Variants in SRP19 observed in about 807,000 individuals in gnomAD.
SRP19 encodes the protein signal recognition particle 19, also known as signal recognition particle 19 kDa protein.
SRP19 carries 11 observed loss-of-function variants against 22.4 expected under a neutral mutation model. The ratio of observed to expected loss-of-function variants is 0.49; its 90% CI spans 0.31 to 0.81. SRP19 has a LOEUF of 0.81. SRP19 is among the 40% of genes least tolerant of loss of function. The pLI is 0.05. For synonymous variants in SRP19, 61 were observed against 57.6 expected (o/e 1.06, Z -0.27); for missense variants, 168 against 175.9 (o/e 0.96, Z 0.25).
Position 112,868,571 on chromosome 5 carries a change from T to C in SRP19, c.*1034T>C, listed in dbSNP as rs547578897. 1.6e-3 allele frequency: 306 copies of C among 185,944 alleles called. No individual in the cohort carries two copies. The highest frequency in any genetic ancestry group is 2.9e-3 in the Middle Eastern group (1 of 350). 11.5% of individuals were successfully genotyped at this position (185,944 alleles called of 1,614,324 possible). On this transcript the variant is annotated 3_prime_UTR_variant, in exon 5 of 5. Transcript: ENST00000505459. ...ATGTGCCACCACACCCGGCTAATTT[T>C]GTATTTTTAGTAGAGACAGGGTTTT... is the stretch of plus-strand genomic sequence containing the variant.
At chr5:112,892,719 C>G (rs2150039987) in exon 5 of SRP19, 1 of 1,614,044 alleles carries the variant, frequency 6.2e-7, no homozygotes. Flanking sequence ...AGACTGGCTC[C>G]TCCTTTGGCA....
chr5:112,864,469 C>T lies in SRP19; in HGVS notation c.130C>T (p.Pro44Ser), dbSNP rs1356137003. Residue 44 changes from proline (P) to serine (S), a missense_variant, in exon 3 of 5, where the codon CCT (proline) becomes TCT (serine). Physicochemically the swap from Pro to Ser is moderately conservative, Grantham distance 74. Coordinates refer to ENST00000505459, the MANE Select transcript of SRP19 (RefSeq NM_003135.3). The part of the protein sequence containing the change: ...RIPISKAVEN[P>S]TATEIQDVCS... ...TTTAACTGTTCAGGCTGTTGAAAAT[C>T]CTACAGCTACAGAGATTCAAGATGT... The T allele has an allele frequency of 1.9e-6, 3 of 1,613,256 alleles. No individual in the cohort carries two copies. The highest frequency in any genetic ancestry group is 2.5e-6 in the Non-Finnish European group (3 of 1,179,880).
Position 112,867,458 on chromosome 5 carries a change from C to G in SRP19, c.356C>G (p.Thr119Arg). Reference protein sequence around the residue: ...AEMIPKLKTRTQKTGGADQSL... With the variant: ...AEMIPKLKTRRQKTGGADQSL... ...ATGATACCTAAACTAAAAACAAGGA[C>G]ACAAAAAACAGGAGGTGCTGACCAA... Residue 119 changes from threonine to arginine, a missense_variant, in exon 5 of 5, where the codon ACA (threonine) becomes AGA (arginine). Physicochemically the swap from Thr to Arg is moderately conservative, Grantham distance 71. Transcript: ENST00000505459. 6.2e-7 allele frequency: 1 copy of G among 1,613,392 alleles called. No homozygotes were observed. The highest frequency in any genetic ancestry group is 8.5e-7 in the Non-Finnish European group (1 of 1,179,676).
chr5:112,863,365 T>G (rs900152272), intron 2 of SRP19, among the ~76,000 whole-genome samples: 2 of 152,230 alleles, frequency 1.3e-5, no homozygotes, highest in African/African-American at 4.8e-5. Context: ...TAACAGGGTT[T>G]GTCAATAGCA....
chr5:112,867,550 A>G lies in SRP19; in HGVS notation c.*13A>G, dbSNP rs1413220670. 1.2e-6 allele frequency: 2 copies of G among 1,601,802 alleles called. No individual in the cohort carries two copies. Among genetic ancestry groups the G allele is most frequent in the Non-Finnish European group, 8.5e-7 (1 of 1,173,962 alleles). On this transcript the variant is annotated 3_prime_UTR_variant, in exon 5 of 5. Coordinates refer to ENST00000505459, the MANE Select transcript of SRP19 (RefSeq NM_003135.3). ...GAAAAAGAAGTAACCTAGTATCAGCATCAAGTATGTGGTACTACTGTAAGA... is the reference window on the plus strand; with the variant it reads ...GAAAAAGAAGTAACCTAGTATCAGCGTCAAGTATGTGGTACTACTGTAAGA...
chr5:112,861,800 A>G (rs899099862), intron 1 of SRP19, among the ~76,000 whole-genome samples: 3 of 152,224 alleles, frequency 2.0e-5, no homozygotes. Context: ...CACTTTATAT[A>G]AGAGGGCGGG....
intron 4 of SRP19, among the ~76,000 whole-genome samples, chr5:112,883,375 G>C (rs1768135608): frequency 6.6e-6 from 1 of 152,136 alleles, no homozygotes; most frequent in Admixed American, 6.5e-5. Flanking sequence ...TACTTGACCT[G>C]TTGACAGCAT....
intron 4 of SRP19, 122 bp from the exon 5 acceptor site, chr5:112,867,282 T>C (rs925500542): frequency 1.6e-6 from 2 of 1,228,946 alleles, no homozygotes; most frequent in Non-Finnish European, 2.2e-6. Flanking sequence ...TTTTGATTTT[T>C]TAAAAAAGTT....
intron 4 of SRP19, among the ~76,000 whole-genome samples, chr5:112,879,131 T>C (rs771838628): frequency 1.1e-4 from 16 of 152,086 alleles, no homozygotes; most frequent in Admixed American, 2.0e-4. Flanking sequence ...CCTTTAAGCA[T>C]TGAAAGAAGC....
chr5:112,892,832 G>C (rs1191148184), exon 5 of SRP19: 1 of 1,613,592 alleles, frequency 6.2e-7, no homozygotes, highest in Admixed American at 1.7e-5. Context: ...AAAAGAAATG[G>C]GGAATCCGAG....
downstream of SRP19, chr5:112,893,522 C>T (rs566376780): frequency 6.4e-6 from 1 of 155,492 alleles, no homozygotes; most frequent in South Asian, 2.0e-4. Context: ...TAAGCCAGGC[C>T]TCTCTTCACC....
rs1767675396 is a variant in SRP19, at chr5:112,868,346, T to C, written c.*809T>C. 7 of 989,562 alleles carry C rather than the reference T, an allele frequency of 7.1e-6. No homozygotes were observed. Among genetic ancestry groups the C allele is most frequent in the Non-Finnish European group, 8.4e-6 (7 of 832,822 alleles). 61.3% of individuals were successfully genotyped at this position (989,562 alleles called of 1,614,324 possible). A position where few individuals can be genotyped will look rare whatever the true frequency, so the allele number is the denominator to read the frequency against. ...TCCTGAGGCCTGGTTTAGCTCTTCC[T>C]TGAATTCTGCAAGCTATCTCATATT... On this transcript the variant is annotated 3_prime_UTR_variant, in exon 5 of 5. Transcript: ENST00000505459.
rs1767642421 is a variant in SRP19 at position 112,867,423 on chromosome 5, T to C, written c.321T>C (p.Tyr107=). Residue 107 remains tyrosine (Y), a synonymous_variant, in exon 5 of 5, where the codon TAT becomes TAC. Coordinates refer to ENST00000505459, the MANE Select transcript of SRP19 (RefSeq NM_003135.3). ...TCCTAGGTAAGTCAGTAATGTTGTATGCAGCAGAAATGATACCTAAACTAA... is the reference window on the plus strand; with the variant it reads ...TCCTAGGTAAGTCAGTAATGTTGTACGCAGCAGAAATGATACCTAAACTAA... ...QFPSRKSVML[Y]AAEMIPKLKT... 4 of 1,613,772 alleles carry C rather than the reference T, an allele frequency of 2.5e-6. No individual in the cohort carries two copies. Among genetic ancestry groups the C allele is most frequent in the Non-Finnish European group, 3.4e-6 (4 of 1,179,834 alleles).
intron 1 of SRP19, chr5:112,862,239 C>T: frequency 2.0e-6 from 1 of 508,344 alleles, no homozygotes; most frequent in Non-Finnish European, 3.5e-6. Flanking sequence ...TAGACGTTTC[C>T]CATTGACCTG....
At chr5:112,872,735 C>G (rs998112162), downstream of SRP19, among the ~76,000 whole-genome samples, 7 of 152,210 alleles carry the variant, frequency 4.6e-5, no homozygotes, top group African/African-American at 1.4e-4. Context: ...TGGAGTGACT[C>G]AAGCCACTGC....
At chr5:112,872,344 T>TTTC (rs1352620566), downstream of SRP19, among the ~76,000 whole-genome samples, 1 of 147,622 alleles carries the variant, frequency 6.8e-6, no homozygotes, top group Non-Finnish European at 1.5e-5. Flanking sequence ...TTTTTTTTTT[T>TTTC]TGAGACAGAG....
rs946239409 is a variant in SRP19, at chr5:112,867,717, A to G, written c.*180A>G. 7.4e-7 allele frequency: 1 copy of G among 1,347,090 alleles called. No individual in the cohort carries two copies. The highest frequency in any genetic ancestry group is 1.5e-5 in the African/African-American group (1 of 68,664). The allele number at this position is 1,347,090 out of a possible 1,614,324, so 83.4% of individuals were successfully genotyped here. A position where few individuals can be genotyped will look rare whatever the true frequency, so the allele number is the denominator to read the frequency against. On this transcript the variant is annotated 3_prime_UTR_variant, in exon 5 of 5. Transcript: ENST00000505459. Reference sequence around the variant, plus strand: ...AAACAAATTTACATCAGAAGTTTGCATCTCGCGTATATGCCGTATAAAAGA... The same window carrying G: ...AAACAAATTTACATCAGAAGTTTGCGTCTCGCGTATATGCCGTATAAAAGA...
At chr5:112,896,174 A>G (rs1250111299), downstream of SRP19, 1 of 152,632 alleles carries the variant, frequency 6.6e-6, no homozygotes, top group Non-Finnish European at 1.5e-5. Context: ...AGCTTAAAAG[A>G]ACGTGTTAAA....
chr5:112,896,195 C>T (rs1466699967), downstream of SRP19: 2 of 152,744 alleles, frequency 1.3e-5, no homozygotes, highest in South Asian at 4.1e-4. Flanking sequence ...GGAAAGATTT[C>T]CCTGTCTTTT....
Sources: allele counts gnomAD v4.1 joint callset (sites outside exome capture counted in the v4.1 genomes callset), GRCh38; gene constraint gnomAD v4.1.1; transcripts MANE v1.5; gene names NCBI Gene and HGNC (gene_info 2026-07-23, HGNC 2026-07-21).